The following COL25A1 variants were observed in gnomAD, a reference collection of about 807,000 sequenced individuals.
The protein encoded by COL25A1 is collagen type XXV alpha 1 chain.
Under a neutral mutation model 128.4 loss-of-function variants are expected in COL25A1, and 103 were observed. The observed-to-expected ratio is 0.80, with a 90% CI of 0.68 to 0.94. The LOEUF (loss-of-function observed/expected upper bound fraction) is 0.94. COL25A1 is among the 40% of genes least tolerant of loss of function. The pLI is 0.00. For synonymous variants in COL25A1, 279 were observed against 277.2 expected, an observed-to-expected ratio of 1.01 and a Z score of -0.06; for missense variants, 745 against 840.0, an observed-to-expected ratio of 0.89 and a Z score of 1.40.
chr4:109,107,987 T>C (rs1766610606), intron 3 of COL25A1, among the ~76,000 whole-genome samples: 2 of 152,340 alleles, frequency 1.3e-5, no homozygotes, highest in Admixed American at 1.3e-4. Context: ...AAGGTATCAG[T>C]GTAAACTTTC....
chr4:109,226,521 G>C (rs1455211120), intron 3 of COL25A1, among the ~76,000 whole-genome samples: 1 of 151,986 alleles, frequency 6.6e-6, no homozygotes, highest in Non-Finnish European at 1.5e-5. Flanking sequence ...TCAGTCCCAA[G>C]GAAAAACATC....
intron 4 of COL25A1, among the ~76,000 whole-genome samples, chr4:109,048,675 A>C (rs571712339): frequency 1.3e-5 from 2 of 152,280 alleles, no homozygotes; most frequent in African/African-American, 2.4e-5. Context: ...TTTCTTTAAA[A>C]CCATCAAAAC....
intron 8 of COL25A1, among the ~76,000 whole-genome samples, chr4:108,968,459 C>A (rs1004706221): frequency 5.3e-5 from 8 of 151,018 alleles, no homozygotes; most frequent in African/African-American, 1.9e-4. Flanking sequence ...TCTTTTTATT[C>A]AGAATATTAT....
chr4:109,038,403 C>T (rs968714295), intron 5 of COL25A1, among the ~76,000 whole-genome samples: 5 of 152,154 alleles, frequency 3.3e-5, no homozygotes, highest in African/African-American at 4.8e-5. Flanking sequence ...CTACAGATTT[C>T]GGACTTACCA....
chr4:109,293,469 T>C (rs1724667238), intron 3 of COL25A1, among the ~76,000 whole-genome samples: 1 of 152,084 alleles, frequency 6.6e-6, no homozygotes, highest in African/African-American at 2.4e-5. Context: ...ACTCTCAATA[T>C]TACCATAATG....
intron 3 of COL25A1, among the ~76,000 whole-genome samples, chr4:109,292,862 T>C (rs1724604610): frequency 6.6e-6 from 1 of 152,120 alleles, no homozygotes; most frequent in South Asian, 2.1e-4. Flanking sequence ...TGTGCCCTAA[T>C]TCTTTCAGTA....
At chr4:109,235,170 T>C (rs149587820) in intron 3 of COL25A1, among the ~76,000 whole-genome samples, 38 of 152,106 alleles carry the variant, frequency 2.5e-4, no homozygotes, top group African/African-American at 9.2e-4. Flanking sequence ...CACTCAGAGA[T>C]TGCTAAGTGA....
At position 108,926,729 on chromosome 4, in the gene COL25A1, T is replaced by C. The variant is rs757041449; in HGVS notation, c.709-6125A>G. Reference sequence around the variant, plus strand: ...ATTTATCTTACTTAAGAAGGAATCATTTAAGATGCATGTATATAAAATGCC... The same window carrying C: ...ATTTATCTTACTTAAGAAGGAATCACTTAAGATGCATGTATATAAAATGCC... On this transcript the variant is annotated intron_variant, in intron 11 of 37. Transcript: ENST00000399132. 6.6e-5 allele frequency among the ~76,000 whole-genome samples: 10 copies of C among 152,006 alleles called. No individual in the cohort carries two copies. The East Asian group carries it at 2.0e-3, about 30-fold the overall frequency.
In COL25A1 at chr4:108,814,054, G is replaced by A. The variant is rs558461776; in HGVS notation, c.1963-125C>T. 38 of 673,730 alleles carry A rather than the reference G, an allele frequency of 5.6e-5. 1 individual carries two copies. Among genetic ancestry groups the A allele is most frequent in the Middle Eastern group, 7.4e-4 (2 of 2,700 alleles). 41.7% of individuals were successfully genotyped at this position (673,730 alleles called of 1,614,324 possible). On this transcript the variant is annotated intron_variant, in intron 37 of 37. Coordinates refer to ENST00000399132, the MANE Select transcript of COL25A1 (RefSeq NM_198721.4). ...AATAGAGTCTATAAGCCAACTGACTGGCTATCAATGAGCCAATTGATTATC... is the reference window on the plus strand; with the variant it reads ...AATAGAGTCTATAAGCCAACTGACTAGCTATCAATGAGCCAATTGATTATC...
At chr4:108,890,841 C>T (rs1210146879) in intron 16 of COL25A1, among the ~76,000 whole-genome samples, 2 of 152,126 alleles carry the variant, frequency 1.3e-5, no homozygotes, top group African/African-American at 4.8e-5. Context: ...GGCCACTTGC[C>T]CAGCTCCCTC....
chr4:109,111,298 C>G (rs1326557468), intron 3 of COL25A1, among the ~76,000 whole-genome samples: 1 of 152,190 alleles, frequency 6.6e-6, no homozygotes, highest in Non-Finnish European at 1.5e-5. Flanking sequence ...TGGCCTGACC[C>G]TATCCCACAG....
chr4:108,939,470 A>G lies in COL25A1; in HGVS notation c.672+1069T>C, dbSNP rs1747818131. On this transcript the variant is annotated intron_variant, in intron 10 of 37. Coordinates refer to ENST00000399132, the MANE Select transcript of COL25A1 (RefSeq NM_198721.4). Reference sequence around the variant, plus strand: ...TCTCAGAAGTTTTAAAGTACGCTATATTCTCATAAAGAGTCATTCTTTTAA... The same window carrying G: ...TCTCAGAAGTTTTAAAGTACGCTATGTTCTCATAAAGAGTCATTCTTTTAA... Among the ~76,000 whole-genome samples, 6 of 152,334 alleles carry G rather than the reference A, an allele frequency of 3.9e-5. No homozygotes were observed. In the South Asian group the frequency reaches 1.2e-3, roughly 32 times the overall value.
intron 11 of COL25A1, among the ~76,000 whole-genome samples, chr4:108,931,911 A>G (rs1056514822): frequency 3.9e-5 from 6 of 152,358 alleles, no homozygotes; most frequent in Admixed American, 3.9e-4. Context: ...GGAGGCTGAT[A>G]AAGCATTAGA....
chr4:109,136,762 G>A (rs143848452), intron 3 of COL25A1, among the ~76,000 whole-genome samples: 14 of 152,370 alleles, frequency 9.2e-5, no homozygotes, highest in East Asian at 1.9e-4. Context: ...TGGTGCAGTC[G>A]TCAGCCCTTG....
Position 108,941,417 on chromosome 4 carries a change from A to C in COL25A1, c.513T>G (p.Asn171Lys). 1 of 1,614,068 alleles carries C rather than the reference A, an allele frequency of 6.2e-7. No homozygotes were observed. Among genetic ancestry groups the C allele is most frequent in the Non-Finnish European group, 8.5e-7 (1 of 1,179,934 alleles). The change falls in exon 9 of 38, where the codon AAT becomes AAG. Residue 171 changes from asparagine (N) to lysine (K), a missense_variant. Physicochemically the swap from Asn to Lys is moderately conservative, Grantham distance 94. Coordinates refer to ENST00000399132, the MANE Select transcript of COL25A1 (RefSeq NM_198721.4). ...QGPRMVFPKI[N>K]HGFLSADQQL... ...GCTGATCAGCAGAGAGAAACCCATG[A>C]TTGATTTTAGGAAACACCATCTGAT...
intron 37 of COL25A1, among the ~76,000 whole-genome samples, chr4:108,814,468 C>A (rs1042890346): frequency 6.6e-6 from 1 of 152,164 alleles, no homozygotes; most frequent in Non-Finnish European, 1.5e-5. Context: ...GCAAGGTAGA[C>A]CTGCCTGCTG....
chr4:108,889,176 G>C (rs574510254), intron 18 of COL25A1, 45 bp downstream of exon 18: 1 of 1,516,564 alleles, frequency 6.6e-7, no homozygotes, highest in Admixed American at 1.7e-5. Flanking sequence ...GATATAAAAT[G>C]GTGAATATGA....
chr4:109,083,567 A>G (rs886628485), intron 3 of COL25A1, among the ~76,000 whole-genome samples: 58 of 138,460 alleles, frequency 4.2e-4, no homozygotes, highest in Non-Finnish European at 6.3e-4. Context: ...GGTTCACGCC[A>G]TTCTCCTGCC....
rs551151878 is a variant in COL25A1, at chr4:109,281,354, A to G, written c.367+19229T>C. Among the ~76,000 whole-genome samples, 12 of 152,014 alleles carry G rather than the reference A, an allele frequency of 7.9e-5. No homozygotes were observed. The East Asian group carries it at 2.3e-3, about 29-fold the overall frequency. The stretch of plus-strand genomic sequence containing the variant: ...TTCTCCAAAAACTGTTTTCTTGAAC[A>G]TACTTCCACATCAGCTCCTATATTT... On this transcript the variant is annotated intron_variant, in intron 3 of 37. Coordinates refer to ENST00000399132, the MANE Select transcript of COL25A1 (RefSeq NM_198721.4).
Sources: allele counts gnomAD v4.1 joint callset (sites outside exome capture counted in the v4.1 genomes callset), GRCh38; gene constraint gnomAD v4.1.1; transcripts MANE v1.5; gene names NCBI Gene and HGNC (gene_info 2026-07-23, HGNC 2026-07-21).